The following RASA1 variants were observed in gnomAD, a reference collection of about 807,000 sequenced individuals.
The protein encoded by RASA1 is ras GTPase-activating protein 1.
A neutral mutation model predicts 132.2 loss-of-function variants in RASA1; 25 were observed. The ratio of observed to expected loss-of-function variants is 0.19; its 90% confidence interval spans 0.14 to 0.26. The LOEUF (loss-of-function observed/expected upper bound fraction) is 0.26. RASA1 is among the 10% of genes least tolerant of loss of function. The probability of loss-of-function intolerance (pLI) is 1.00; values close to 1 mark genes in which losing one functional copy is unlikely to be tolerated. For missense variants in RASA1, 964 were observed against 1,299.2 expected (o/e 0.74, Z 3.97); for synonymous variants, 477 against 449.9 (o/e 1.06, Z -0.76).
intron 9 of RASA1, among the ~76,000 whole-genome samples, chr5:87,361,330 T>C (rs1760076737): frequency 6.6e-6 from 1 of 152,220 alleles, no homozygotes; most frequent in Admixed American, 6.6e-5. Context: ...TTTAGTAATT[T>C]TGTAGCATTA....
intron 1 of RASA1, among the ~76,000 whole-genome samples, chr5:87,287,561 AC>A (rs1379286627): frequency 2.7e-5 from 4 of 146,096 alleles, no homozygotes; most frequent in Non-Finnish European, 6.0e-5. Flanking sequence ...ATATATATAC[AC>A]CATACATATA....
intron 1 of RASA1, among the ~76,000 whole-genome samples, chr5:87,290,408 A>G (rs1337317181): frequency 6.6e-6 from 1 of 152,204 alleles, no homozygotes; most frequent in Non-Finnish European, 1.5e-5. Context: ...TAGAGTTCCC[A>G]TATTCCACCC....
intron 1 of RASA1, among the ~76,000 whole-genome samples, chr5:87,290,531 C>G (rs2112266715): frequency 6.6e-6 from 1 of 152,252 alleles, no homozygotes; most frequent in East Asian, 1.9e-4. Flanking sequence ...AGGGTTTATT[C>G]TTGGCATTGT....
intron 9 of RASA1, among the ~76,000 whole-genome samples, chr5:87,354,209 AT>A (rs1413725538): frequency 1.3e-5 from 2 of 152,080 alleles, no homozygotes; most frequent in Non-Finnish European, 2.9e-5. Context: ...ATCTTGTCAC[AT>A]TTTAACATAC....
intron 11 of RASA1, among the ~76,000 whole-genome samples, chr5:87,365,825 C>CT: frequency 6.6e-6 from 1 of 151,884 alleles, no homozygotes; most frequent in Non-Finnish European, 1.5e-5. Context: ...AAGTTTATGA[C>CT]TGATGATGAG....
chr5:87,328,621 A>G (rs1005295689), intron 1 of RASA1, among the ~76,000 whole-genome samples: 1 of 152,186 alleles, frequency 6.6e-6, no homozygotes, highest in African/African-American at 2.4e-5. Flanking sequence ...AAAAAGAATT[A>G]CAGACTTCAG....
chr5:87,377,180 T>C (rs1037731596), intron 17 of RASA1, 140 bp downstream of exon 17: 35 of 1,146,264 alleles, frequency 3.1e-5, no homozygotes, highest in South Asian at 2.7e-4. Context: ...TCCTTAAAAA[T>C]TGCAGTTGGA....
chr5:87,322,393 T>TTTA (rs1219543801), intron 1 of RASA1, among the ~76,000 whole-genome samples: 1 of 152,226 alleles, frequency 6.6e-6, no homozygotes, highest in East Asian at 1.9e-4. Flanking sequence ...TATGAGAATC[T>TTTA]AATGGTTGAT....
chr5:87,322,605 A>G (rs1291421679), intron 1 of RASA1, among the ~76,000 whole-genome samples: 1 of 151,994 alleles, frequency 6.6e-6, no homozygotes, highest in Non-Finnish European at 1.5e-5. Context: ...TGCCATGAGT[A>G]AAAGCTTCCT....
At chr5:87,343,191 T>A (rs1243126482) in intron 6 of RASA1, among the ~76,000 whole-genome samples, 1 of 152,202 alleles carries the variant, frequency 6.6e-6, no homozygotes, top group Non-Finnish European at 1.5e-5. Context: ...GTTGAATTTC[T>A]TTCCAGCTCC....
In RASA1 at chr5:87,362,557, G is replaced by T. The variant is rs2112456388; in HGVS notation, c.1339G>T (p.Glu447Ter). 6.3e-7 allele frequency: 1 copy of T among 1,590,196 alleles called. No individual in the cohort carries two copies. Among genetic ancestry groups the T allele is most frequent in the Non-Finnish European group, 8.6e-7 (1 of 1,158,902 alleles). ...LKEPVPMQDQ[E>*]QVLNDTVDGK... ...AATGTTTTTTAAAATTCAGGATCAA[G>T]AACAAGTACTCAATGACACAGTGGA... is the stretch of plus-strand genomic sequence containing the variant. Residue 447 changes from glutamate (E) to a stop codon, truncating the protein, a stop_gained, in exon 10 of 25, where the codon GAA (glutamate) becomes TAA (stop). Transcript: ENST00000274376. LOFTEE classifies it high-confidence loss of function.
At chr5:87,271,162 C>T (rs902859782) in intron 1 of RASA1, among the ~76,000 whole-genome samples, 1 of 151,716 alleles carries the variant, frequency 6.6e-6, no homozygotes, top group Admixed American at 6.6e-5. Context: ...CGCTTGAACC[C>T]GGGAGGCGAA....
chr5:87,309,523 G>A (rs1443157667), intron 1 of RASA1, among the ~76,000 whole-genome samples: 2 of 151,944 alleles, frequency 1.3e-5, no homozygotes, highest in African/African-American at 2.4e-5. Flanking sequence ...TAACCACATA[G>A]TTTTCTATTG....
Position 87,333,257 on chromosome 5 carries a change from T to C in RASA1, c.829-10T>C, listed in dbSNP as rs1561288077. 1 of 1,610,454 alleles carries C rather than the reference T, an allele frequency of 6.2e-7. No homozygotes were observed. The highest frequency in any genetic ancestry group is 1.7e-5 in the Admixed American group (1 of 59,626). The stretch of plus-strand genomic sequence containing the variant: ...ATCTTTTTAAATCTTTTTTTTTTTA[T>C]GGTTTCTAGCCAGTAGAAGATAGAA... On this transcript the variant is annotated splice_polypyrimidine_tract_variant and intron_variant, in intron 3 of 24. Transcript: ENST00000274376.
chr5:87,304,553 C>T (rs947563904), intron 1 of RASA1, among the ~76,000 whole-genome samples: 8 of 151,322 alleles, frequency 5.3e-5, no homozygotes, highest in South Asian at 2.1e-4. Flanking sequence ...CTGCAACCTC[C>T]GACTCCTGGG....
intron 21 of RASA1, 116 bp downstream of exon 21, chr5:87,383,896 C>G (rs922423909): frequency 1.1e-6 from 1 of 913,846 alleles, no homozygotes; most frequent in African/African-American, 1.7e-5. Flanking sequence ...CTAGTCATGG[C>G]ATATATGAAG....
In RASA1 at chr5:87,374,900, C is replaced by T; in HGVS notation, c.1995C>T (p.Ser665=). 6.2e-7 allele frequency: 1 copy of T among 1,605,964 alleles called. No individual in the cohort carries two copies. Among genetic ancestry groups the T allele is most frequent in the African/African-American group, 1.3e-5 (1 of 74,736 alleles). Residue 665 remains serine (S), a synonymous_variant, in exon 15 of 25, where the codon AGC becomes AGT. Transcript: ENST00000274376. The part of the protein sequence containing the change: ...EITLSNKTKK[S]KDPDILFMRC... Reference sequence around the variant, plus strand: ...CTCTTAGTAATAAAACAAAGAAAAGCAAAGATCCTGATATCTGTAAGTTGA... The same window carrying T: ...CTCTTAGTAATAAAACAAAGAAAAGTAAAGATCCTGATATCTGTAAGTTGA...
At chr5:87,358,607 G>T (rs993730816) in intron 9 of RASA1, among the ~76,000 whole-genome samples, 3 of 152,174 alleles carry the variant, frequency 2.0e-5, no homozygotes, top group African/African-American at 4.8e-5. Context: ...CAGTCACTGG[G>T]ATCCATTTAA....
At chr5:87,283,264 A>C (rs1025603475) in intron 1 of RASA1, among the ~76,000 whole-genome samples, 2 of 151,336 alleles carry the variant, frequency 1.3e-5, no homozygotes, top group Non-Finnish European at 2.9e-5. Flanking sequence ...AGAATTTGTA[A>C]TTGATTGTTG....
Sources: allele counts gnomAD v4.1 joint callset (sites outside exome capture counted in the v4.1 genomes callset), GRCh38; gene constraint gnomAD v4.1.1; transcripts MANE v1.5; gene names NCBI Gene and HGNC (gene_info 2026-07-23, HGNC 2026-07-21).